Variants in TRIM24 observed in about 807,000 individuals in gnomAD.
TRIM24 encodes the protein tripartite motif containing 24.
Under a neutral mutation model 123.9 loss-of-function variants are expected in TRIM24, and 29 were observed. The observed-to-expected ratio is 0.23, with a 90% confidence interval of 0.17 to 0.32. TRIM24 has a LOEUF of 0.32. Ranked by LOEUF, TRIM24 falls within the 10% of genes least tolerant of loss-of-function variation. The probability of loss-of-function intolerance (pLI) is 1.00; values close to 1 mark genes in which losing one functional copy is unlikely to be tolerated. For synonymous variants in TRIM24, 456 were observed against 461.1 expected, an observed-to-expected ratio of 0.99 and a Z score of 0.14; for missense variants, 932 against 1,295.3, an observed-to-expected ratio of 0.72 and a Z score of 4.31.
chr7:138,487,540 A>C (rs1175330407), intron 1 of TRIM24, among the ~76,000 whole-genome samples: 1 of 152,132 alleles, frequency 6.6e-6, no homozygotes, highest in Non-Finnish European at 1.5e-5. Flanking sequence ...GTTTATTGAG[A>C]GTTTTTAGCA....
At chr7:138,535,046 T>A (rs997137978) in intron 6 of TRIM24, among the ~76,000 whole-genome samples, 1 of 152,162 alleles carries the variant, frequency 6.6e-6, no homozygotes, top group Non-Finnish European at 1.5e-5. Flanking sequence ...ACCCCTGCCT[T>A]TTTTTGTTTT....
At chr7:138,483,783 G>A (rs1295049094) in intron 1 of TRIM24, among the ~76,000 whole-genome samples, 1 of 152,186 alleles carries the variant, frequency 6.6e-6, no homozygotes, top group Non-Finnish European at 1.5e-5. Flanking sequence ...TCATGAAAGT[G>A]GGGTGCCCCT....
intron 9 of TRIM24, among the ~76,000 whole-genome samples, chr7:138,560,091 G>T (rs1797395101): frequency 6.6e-6 from 1 of 152,176 alleles, no homozygotes; most frequent in Admixed American, 6.5e-5. Flanking sequence ...TTTGGTGGGG[G>T]TGCACCTGAC....
chr7:138,562,301 A>T (rs1344418176), intron 9 of TRIM24, among the ~76,000 whole-genome samples: 1 of 152,144 alleles, frequency 6.6e-6, no homozygotes, highest in Non-Finnish European at 1.5e-5. Context: ...TGCGACTCTC[A>T]AAATGGGCTA....
Position 138,554,998 on chromosome 7 carries a change from GAT to G in TRIM24, c.1530+34_1530+35del. The G allele has an allele frequency of 6.2e-7, 1 of 1,600,434 alleles. No individual in the cohort carries two copies. The highest frequency in any genetic ancestry group is 8.5e-7 in the Non-Finnish European group (1 of 1,170,692). On this transcript the variant is annotated intron_variant, in intron 9 of 18. Coordinates refer to ENST00000343526, the MANE Select transcript of TRIM24 (RefSeq NM_015905.3). The surrounding 1 kb of genome is among the most constrained non-coding windows in gnomAD (Gnocchi z 4.5). ...TTGGAAGCAGGCCTGTCCTCACTTA[GAT>G]AATTATAGTATAATTGTGTTTAGCA...
At chr7:138,531,153 C>A (rs921360933) in intron 6 of TRIM24, among the ~76,000 whole-genome samples, 12 of 146,918 alleles carry the variant, frequency 8.2e-5, no homozygotes, top group African/African-American at 2.7e-4. Context: ...ACTTTAAGTT[C>A]TAGGGTACAT....
chr7:138,483,640 AAC>A, intron 1 of TRIM24, among the ~76,000 whole-genome samples: 1 of 152,218 alleles, frequency 6.6e-6, no homozygotes, highest in East Asian at 1.9e-4. Flanking sequence ...TGAAATTGAC[AAC>A]AGTTTATTAG....
chr7:138,513,619 A>G (rs752702263), intron 2 of TRIM24, among the ~76,000 whole-genome samples: 3 of 152,188 alleles, frequency 2.0e-5, no homozygotes, highest in East Asian at 1.9e-4. Context: ...CTCAGTCACT[A>G]TCATGAGAAC....
intron 1 of TRIM24, among the ~76,000 whole-genome samples, chr7:138,480,066 G>A (rs976483930): frequency 1.3e-5 from 2 of 152,082 alleles, no homozygotes; most frequent in Admixed American, 1.3e-4. Context: ...TGATCCACTA[G>A]CTTCAGCCTC....
At chr7:138,472,871 A>G (rs1304268599) in intron 1 of TRIM24, among the ~76,000 whole-genome samples, 1 of 152,232 alleles carries the variant, frequency 6.6e-6, no homozygotes, top group African/African-American at 2.4e-5. Flanking sequence ...AAGCTCTTAA[A>G]AAAATTTTTT....
chr7:138,461,125 G>A (rs1794958029), intron 1 of TRIM24: 1 of 704,722 alleles, frequency 1.4e-6, no homozygotes, highest in Non-Finnish European at 2.5e-6. Context: ...GGGCGCTGTG[G>A]ACTTGACCGC....
At chr7:138,486,641 G>T (rs1188834713) in intron 1 of TRIM24, among the ~76,000 whole-genome samples, 1 of 152,106 alleles carries the variant, frequency 6.6e-6, no homozygotes, top group Non-Finnish European at 1.5e-5. Context: ...AAGATCAGAT[G>T]GTTATAGATG....
intron 5 of TRIM24, among the ~76,000 whole-genome samples, chr7:138,525,957 A>G (rs948224521): frequency 1.3e-5 from 2 of 152,220 alleles, no homozygotes; most frequent in Non-Finnish European, 2.9e-5. Context: ...ACTAACCTCC[A>G]TGGAGCGGGG....
chr7:138,497,695 T>C lies in TRIM24; in HGVS notation c.365-6595T>C, dbSNP rs115639902. ...CAAGTGTGAATCACCGCGCCCAGCCTGTTGTTGGTTTTTGAGACAGGGTCT... is the reference window on the plus strand; with the variant it reads ...CAAGTGTGAATCACCGCGCCCAGCCCGTTGTTGGTTTTTGAGACAGGGTCT... On this transcript the variant is annotated intron_variant, in intron 1 of 18. Transcript: ENST00000343526. Among the ~76,000 whole-genome samples, 771 of 150,628 alleles carry C rather than the reference T, an allele frequency of 5.1e-3. 4 individuals are homozygous for C. The highest frequency in any genetic ancestry group is 0.018 in the African/African-American group (739 of 40,200).
chr7:138,465,661 C>G (rs1028099951), intron 1 of TRIM24, among the ~76,000 whole-genome samples: 1 of 152,068 alleles, frequency 6.6e-6, no homozygotes, highest in African/African-American at 2.4e-5. Flanking sequence ...TATAAATCAT[C>G]TCATGAGTGC....
intron 6 of TRIM24, 137 bp downstream of exon 6, chr7:138,529,367 C>T (rs1232812627): frequency 2.3e-6 from 1 of 434,228 alleles, no homozygotes; most frequent in African/African-American, 2.1e-5. Flanking sequence ...CCAAGTTTTC[C>T]TTTGCTGGGT....
At chr7:138,525,526 G>GTAAAA (rs1163653522) in intron 5 of TRIM24, among the ~76,000 whole-genome samples, 169 bp downstream of exon 5, 14 of 152,256 alleles carry the variant, frequency 9.2e-5, no homozygotes, top group Non-Finnish European at 1.8e-4. Context: ...CTTTTCTGCT[G>GTAAAA]TAAAATTTCA....
intron 6 of TRIM24, among the ~76,000 whole-genome samples, chr7:138,537,379 GTTTTTTTTTTTTT>G (rs71177994): frequency 0.028 from 1,560 of 56,668 alleles, 25 homozygotes; most frequent in Middle Eastern, 0.11. Context: ...ACCCCTGTTT[GTTTTTTTTTTTTT>G]TTTTTTTTTT....
At chr7:138,569,972 A>C (rs1254679905) in intron 10 of TRIM24, among the ~76,000 whole-genome samples, 3 of 147,560 alleles carry the variant, frequency 2.0e-5, no homozygotes, top group Admixed American at 6.7e-5. Context: ...TTGAGGCAGA[A>C]TCTCTCTCTC....
Sources: allele counts gnomAD v4.1 joint callset (sites outside exome capture counted in the v4.1 genomes callset), GRCh38; gene constraint gnomAD v4.1.1; non-coding constraint Gnocchi (gnomAD v3.1); transcripts MANE v1.5; gene names NCBI Gene and HGNC (gene_info 2026-07-23, HGNC 2026-07-21).